NPL: variants seen among roughly 807,000 people sequenced by gnomAD.
NPL encodes N-acetylneuraminate lyase.
Under a neutral mutation model 41.1 loss-of-function variants are expected in NPL, and 32 were observed. The observed-to-expected ratio is 0.78, with a 90% CI of 0.59 to 1.05. The LOEUF is 1.05. NPL is among the 50% of genes least tolerant of loss of function. The pLI, the probability that NPL is intolerant of heterozygous loss-of-function variation, is 0.00. For missense variants in NPL, 321 were observed against 378.4 expected (o/e 0.85, Z 1.26); for synonymous variants, 128 against 134.9 (o/e 0.95, Z 0.35).
chr1:182,794,393 C>A lies in NPL; in HGVS notation c.22C>A (p.Leu8Ile). Residue 8 changes from leucine to isoleucine, a missense_variant, in exon 3 of 13, where the codon CTT becomes ATT. Coordinates refer to ENST00000367553, the MANE Select transcript of NPL (RefSeq NM_030769.3). The part of the protein sequence containing the change: MAFPKKK[L>I]QGLVAATITP... ...CTCAATGGCCTTCCCAAAGAAGAAA[C>A]TTCAGGGTCTTGTGGCTGCAACCAT... The A allele has an allele frequency of 6.2e-7, 1 of 1,614,174 alleles. No individual in the cohort carries two copies. The highest frequency in any genetic ancestry group is 8.5e-7 in the Non-Finnish European group (1 of 1,180,014).
intron 8 of NPL, among the ~76,000 whole-genome samples, chr1:182,817,116 C>T (rs1667356445): frequency 6.6e-6 from 1 of 152,186 alleles, no homozygotes; most frequent in South Asian, 2.1e-4. Context: ...CTGTAAGCCT[C>T]ACTAGGACAG....
chr1:182,801,691 A>C (rs1666852413), intron 3 of NPL, among the ~76,000 whole-genome samples: 1 of 151,952 alleles, frequency 6.6e-6, no homozygotes, highest in South Asian at 2.1e-4. Flanking sequence ...CTCTACCCAA[A>C]ATTTTCAAGT....
chr1:182,812,921 G>T lies in NPL; in HGVS notation c.288+708G>T, dbSNP rs772112738. 2.0e-5 allele frequency among the ~76,000 whole-genome samples: 3 copies of T among 152,020 alleles called. 1 individual carries two copies. Among genetic ancestry groups the T allele is most frequent in the Non-Finnish European group, 4.4e-5 (3 of 68,016 alleles). ...AAGAAGGCACACACTTTGGGAGGCC[G>T]AGGCAGGCAGATCACGAGGTCAGGA... On this transcript the variant is annotated intron_variant, in intron 6 of 12. Transcript: ENST00000367553.
At chr1:182,798,944 AT>A (rs1666754745) in intron 3 of NPL, among the ~76,000 whole-genome samples, 1 of 152,216 alleles carries the variant, frequency 6.6e-6, no homozygotes, top group Non-Finnish European at 1.5e-5. Context: ...GCTGAGAGAT[AT>A]GTATAAAAGG....
chr1:182,812,586 C>A (rs1167337649), intron 6 of NPL, among the ~76,000 whole-genome samples: 1 of 152,152 alleles, frequency 6.6e-6, no homozygotes, highest in South Asian at 2.1e-4. Flanking sequence ...TGAAGAATGG[C>A]AAATGTGAAT....
intron 11 of NPL, among the ~76,000 whole-genome samples, chr1:182,825,498 GA>G (rs1305242765): frequency 3.9e-5 from 6 of 152,186 alleles, no homozygotes; most frequent in Non-Finnish European, 8.8e-5. Flanking sequence ...AAGCCAGATG[GA>G]TAAGGGGTGT....
chr1:182,817,721 A>T (rs1667374207), intron 8 of NPL, among the ~76,000 whole-genome samples: 1 of 152,086 alleles, frequency 6.6e-6, no homozygotes, highest in Admixed American at 6.5e-5. Flanking sequence ...CAAACACTTT[A>T]CTTACTATTG....
chr1:182,824,442 G>C (rs960841447), intron 11 of NPL, among the ~76,000 whole-genome samples: 1 of 152,114 alleles, frequency 6.6e-6, no homozygotes, highest in Admixed American at 6.6e-5. Flanking sequence ...AATATGTTAA[G>C]CATTTTGAAA....
chr1:182,825,168 C>G (rs999130074), intron 11 of NPL, among the ~76,000 whole-genome samples: 3 of 152,178 alleles, frequency 2.0e-5, no homozygotes, highest in African/African-American at 7.2e-5. Flanking sequence ...ATCACTGTCC[C>G]TCTCTTTATC....
At chr1:182,801,690 A>G (rs114424775) in intron 3 of NPL, among the ~76,000 whole-genome samples, 2 of 152,158 alleles carry the variant, frequency 1.3e-5, no homozygotes, top group South Asian at 2.1e-4. Flanking sequence ...TCTCTACCCA[A>G]AATTTTCAAG....
intron 11 of NPL, among the ~76,000 whole-genome samples, chr1:182,825,015 T>G (rs2102569484): frequency 6.6e-6 from 1 of 152,316 alleles, no homozygotes; most frequent in East Asian, 1.9e-4. Flanking sequence ...TGTCACCCAG[T>G]TCTTTGAACA....
Position 182,815,784 on chromosome 1 carries a change from T to A in NPL, c.364+926T>A, listed in dbSNP as rs574909608. ...CATGCCAAGCTAATTTTTAAAAAAA[T>A]TTTATAGGGACAGGATGTTGGTATG... is the stretch of plus-strand genomic sequence containing the variant. On this transcript the variant is annotated intron_variant, in intron 7 of 12. Coordinates refer to ENST00000367553, the MANE Select transcript of NPL (RefSeq NM_030769.3). 5.9e-5 allele frequency among the ~76,000 whole-genome samples: 9 copies of A among 152,138 alleles called. No individual in the cohort carries two copies. In the South Asian group the frequency reaches 1.9e-3, roughly 32 times the overall value.
chr1:182,828,420 C>A lies in NPL; in HGVS notation c.779-304C>A, dbSNP rs940896886. On this transcript the variant is annotated intron_variant, in intron 12 of 12. Transcript: ENST00000367553. The surrounding 1 kb of genome is among the most constrained non-coding windows in gnomAD (Gnocchi z 4.0). The stretch of plus-strand genomic sequence containing the variant: ...GCTGTTTGGCATCAGCTTCTCCTCA[C>A]CCTTCTGACCTCTTTATTCCTGACA... Among the ~76,000 whole-genome samples the A allele has an allele frequency of 2.6e-5, 4 of 152,188 alleles. No individual in the cohort carries two copies. Among genetic ancestry groups the A allele is most frequent in the Non-Finnish European group, 4.4e-5 (3 of 68,046 alleles).
Position 182,829,060 on chromosome 1 carries a change from A to G in NPL, c.*152A>G. The G allele has an allele frequency of 1.4e-6, 2 of 1,471,020 alleles. No individual in the cohort carries two copies. Among genetic ancestry groups the G allele is most frequent in the Non-Finnish European group, 1.8e-6 (2 of 1,119,326 alleles). 91.1% of individuals were successfully genotyped at this position (1,471,020 alleles called of 1,614,324 possible). Reference sequence around the variant, plus strand: ...ATTGAGGTACCTTTTGTGAGCCTTAAAAAGTCTTATTTTGTGAAGGGGCAA... The same window carrying G: ...ATTGAGGTACCTTTTGTGAGCCTTAGAAAGTCTTATTTTGTGAAGGGGCAA... On this transcript the variant is annotated 3_prime_UTR_variant, in exon 13 of 13. Coordinates refer to ENST00000367553, the MANE Select transcript of NPL (RefSeq NM_030769.3).
At chr1:182,809,174 C>T (rs763029084) in intron 5 of NPL, 2 of 430,840 alleles carry the variant, frequency 4.6e-6, no homozygotes, top group African/African-American at 2.1e-5. Context: ...ATGCTTTCAC[C>T]CCATTTTAAG....
intron 1 of NPL, 36 bp downstream of exon 1, chr1:182,789,841 A>G (rs1666445090): frequency 6.6e-6 from 1 of 152,332 alleles, no homozygotes; most frequent in Non-Finnish European, 1.5e-5. Context: ...GCTAGGACAG[A>G]CGGACGCAGA....
At chr1:182,797,074 A>G (rs1666694358) in intron 3 of NPL, among the ~76,000 whole-genome samples, 1 of 151,338 alleles carries the variant, frequency 6.6e-6, no homozygotes, top group Non-Finnish European at 1.5e-5. Flanking sequence ...TCTCCAAAGG[A>G]AGTTCAACCA....
intron 6 of NPL, among the ~76,000 whole-genome samples, chr1:182,813,687 A>G (rs962128190): frequency 2.0e-5 from 3 of 152,230 alleles, no homozygotes; most frequent in Admixed American, 1.3e-4. Flanking sequence ...GAATAGGGAT[A>G]ATCTCCTGGT....
chr1:182,805,433 A>G (rs1170935278), intron 4 of NPL, among the ~76,000 whole-genome samples: 1 of 152,212 alleles, frequency 6.6e-6, no homozygotes, highest in Non-Finnish European at 1.5e-5. Flanking sequence ...TTCTGTCTCA[A>G]AAAAATGAAA....
Sources: gnomAD v4.1 joint callset for allele counts (sites outside exome capture counted in the v4.1 genomes callset) on GRCh38, gnomAD v4.1.1 for gene constraint, Gnocchi (gnomAD v3.1) non-coding constraint, MANE v1.5 for transcripts, NCBI Gene and HGNC (gene_info 2026-07-23, HGNC 2026-07-21) for gene names.